Variants in UPB1 observed in about 807,000 individuals in gnomAD.
The protein encoded by UPB1 is beta-ureidopropionase 1.
UPB1 carries 40 observed loss-of-function variants against 49.1 expected under a neutral mutation model. The observed-to-expected ratio is 0.81, with a 90% CI of 0.63 to 1.06. UPB1 has a LOEUF of 1.06. Ranked by LOEUF, UPB1 falls within the 50% of genes least tolerant of loss-of-function variation. The pLI is 0.00. For synonymous variants in UPB1, 207 were observed against 198.2 expected (o/e 1.04, Z -0.38); for missense variants, 499 against 505.9 (o/e 0.99, Z 0.13).
chr22:24,516,274 C>G (rs779291433), intron 6 of UPB1, among the ~76,000 whole-genome samples: 4 of 152,102 alleles, frequency 2.6e-5, no homozygotes, highest in Non-Finnish European at 5.9e-5. Flanking sequence ...CTGCCCTTGT[C>G]AAGGCAGGGC....
At chr22:24,523,526 G>A (rs897257991) in intron 8 of UPB1, 93 bp from the exon 9 acceptor site, 16 of 1,576,058 alleles carry the variant, frequency 1.0e-5, no homozygotes, top group African/African-American at 8.1e-5. Flanking sequence ...CATGGACTCC[G>A]TGTCCTGGGC....
chr22:24,513,610 C>G (rs143143590), intron 5 of UPB1, 125 bp downstream of exon 5: 2 of 1,342,390 alleles, frequency 1.5e-6, no homozygotes, highest in Non-Finnish European at 2.1e-6. Flanking sequence ...GTACACTCCA[C>G]GGGAGCACAG....
Position 24,526,090 on chromosome 22 carries a change from A to T in UPB1, c.*296A>T. ...AATTTTACCTCAACTAAAAAAAAAAATGCCCAGGTACTGCTTGTGCAGGTG... is the reference window on the plus strand; with the variant it reads ...AATTTTACCTCAACTAAAAAAAAAATTGCCCAGGTACTGCTTGTGCAGGTG... On this transcript the variant is annotated 3_prime_UTR_variant, in exon 10 of 10. Transcript: ENST00000326010. 1 of 406,278 alleles carries T rather than the reference A, an allele frequency of 2.5e-6. No individual in the cohort carries two copies. The highest frequency in any genetic ancestry group is 4.7e-6 in the Non-Finnish European group (1 of 214,784). The allele number at this position is 406,278 out of a possible 1,614,324, so 25.2% of individuals were successfully genotyped here.
At chr22:24,524,044 C>A (rs1383966931) in intron 9 of UPB1, among the ~76,000 whole-genome samples, 3 of 152,266 alleles carry the variant, frequency 2.0e-5, no homozygotes, top group Admixed American at 6.5e-5. Flanking sequence ...ATCTCAATTT[C>A]ATTTGTCCAG....
chr22:24,498,463 A>G (rs1212230852), intron 1 of UPB1, among the ~76,000 whole-genome samples: 1 of 152,208 alleles, frequency 6.6e-6, no homozygotes, highest in African/African-American at 2.4e-5. Flanking sequence ...GAGGCCTTAC[A>G]GGTACTGCCC....
chr22:24,509,398 C>CAAAAAAAAAAAAAAAAAAAAA (rs1464985011), intron 3 of UPB1, among the ~76,000 whole-genome samples: 1 of 90,332 alleles, frequency 1.1e-5, no homozygotes, highest in Non-Finnish European at 2.2e-5. Flanking sequence ...AAAAAAAAAG[C>CAAAAAAAAAAAAAAAAAAAAA]AAAAACCAAT....
rs2043966020 is a variant in UPB1, at chr22:24,500,172, A to G, written c.170A>G (p.Tyr57Cys). ...ASREDFELQG[Y>C]AFEAAEEQLR... ...AGAGAAGACTTTGAACTGCAGGGAT[A>G]TGCCTTTGAAGCAGCGGAGGAGCAG... is the stretch of plus-strand genomic sequence containing the variant. Residue 57 changes from tyrosine (Y) to cysteine (C), a missense_variant, in exon 2 of 10, where the codon TAT becomes TGT. By Grantham distance (194) the Tyr-to-Cys change is radical (BLOSUM62 -2). Transcript: ENST00000326010. The G allele has an allele frequency of 1.2e-6, 2 of 1,614,220 alleles. No homozygotes were observed. Among genetic ancestry groups the G allele is most frequent in the Non-Finnish European group, 1.7e-6 (2 of 1,180,030 alleles).
chr22:24,525,928 G>T lies in UPB1; in HGVS notation c.*134G>T. 8.8e-7 allele frequency: 1 copy of T among 1,130,092 alleles called. No homozygotes were observed. Among genetic ancestry groups the T allele is most frequent in the Admixed American group, 1.9e-5 (1 of 53,196 alleles). 70.0% of individuals were successfully genotyped at this position (1,130,092 alleles called of 1,614,324 possible). ...TGGTTTTAAAATTCCCAGGCAGGGG[G>T]AGAGTGGCATGGGGAGTGACTTCTT... On this transcript the variant is annotated 3_prime_UTR_variant, in exon 10 of 10. Coordinates refer to ENST00000326010, the MANE Select transcript of UPB1 (RefSeq NM_016327.3).
intron 1 of UPB1, among the ~76,000 whole-genome samples, chr22:24,496,909 A>T (rs952516889): frequency 6.6e-6 from 1 of 152,122 alleles, no homozygotes; most frequent in Non-Finnish European, 1.5e-5. Flanking sequence ...AGTTCCTGAG[A>T]TGGGGCCAGG....
intron 2 of UPB1, among the ~76,000 whole-genome samples, chr22:24,501,866 C>A (rs1297466981): frequency 6.6e-6 from 1 of 152,144 alleles, no homozygotes; most frequent in Admixed American, 6.5e-5. Context: ...CTCAGCAACC[C>A]CACAGGTCAG....
chr22:24,507,345 A>C lies in UPB1; in HGVS notation c.365-3404A>C, dbSNP rs78728006. Among the ~76,000 whole-genome samples the C allele has an allele frequency of 1.2e-4, 19 of 152,254 alleles. No individual in the cohort carries two copies. In the East Asian group the frequency reaches 3.5e-3, roughly 28 times the overall value. ...CAAGGCCCCCAGGACTGTTGCTGGC[A>C]GTGCCTGCCGCCTGCTTGGCAAGAT... On this transcript the variant is annotated intron_variant, in intron 3 of 9. Coordinates refer to ENST00000326010, the MANE Select transcript of UPB1 (RefSeq NM_016327.3).
chr22:24,498,919 G>A (rs994355719), intron 1 of UPB1, among the ~76,000 whole-genome samples: 20 of 152,308 alleles, frequency 1.3e-4, no homozygotes, highest in African/African-American at 4.1e-4. Flanking sequence ...GGAAAGCTGC[G>A]TGATTTATGT....
At chr22:24,520,718 C>T (rs1026905760) in intron 7 of UPB1, among the ~76,000 whole-genome samples, 1 of 152,166 alleles carries the variant, frequency 6.6e-6, no homozygotes, top group Non-Finnish European at 1.5e-5. Context: ...AGTTTATTTT[C>T]CCCATTGACC....
chr22:24,513,336 C>A lies in UPB1; in HGVS notation c.472C>A (p.His158Asn), dbSNP rs2147026012. 2 of 1,614,126 alleles carry A rather than the reference C, an allele frequency of 1.2e-6. No homozygotes were observed. Among genetic ancestry groups the A allele is most frequent in the East Asian group, 2.2e-5 (1 of 44,884 alleles). The change falls in exon 5 of 10, where the codon CAT becomes AAT. Residue 158 changes from histidine (H) to asparagine (N), a missense_variant. His to Asn is a moderately conservative substitution (Grantham distance 68, BLOSUM62 1). Coordinates refer to ENST00000326010, the MANE Select transcript of UPB1 (RefSeq NM_016327.3). The stretch of plus-strand genomic sequence containing the variant: ...ATCATTTTTCCAGCTGGCGAAGAAC[C>A]ATGACATGGTGGTGGTGTCTCCCAT... ...TRFCQKLAKN[H>N]DMVVVSPILE...
chr22:24,502,183 G>A lies in UPB1; in HGVS notation c.334G>A (p.Val112Ile), dbSNP rs1448105188. The A allele has an allele frequency of 2.5e-6, 4 of 1,614,228 alleles. No individual in the cohort carries two copies. The highest frequency in any genetic ancestry group is 3.3e-5 in the Admixed American group (2 of 60,034). The change falls in exon 3 of 10, where the codon GTC becomes ATC. Residue 112 changes from valine (V) to isoleucine (I), a missense_variant. By Grantham distance (29) the Val-to-Ile change is conservative. Coordinates refer to ENST00000326010, the MANE Select transcript of UPB1 (RefSeq NM_016327.3). ...CGTAGAGGTGGCTGCAATGTGTGGA[G>A]TCAACATCATCTGTTTCCAGGAAGC... Reference protein sequence around the residue: ...AIVEVAAMCGVNIICFQEAWT... With the variant: ...AIVEVAAMCGINIICFQEAWT...
chr22:24,525,130 T>G (rs1469030109), intron 9 of UPB1, among the ~76,000 whole-genome samples: 2 of 152,214 alleles, frequency 1.3e-5, no homozygotes, highest in African/African-American at 4.8e-5. Context: ...TAGACACTTC[T>G]TAGAAGCAGA....
chr22:24,510,106 CCT>C (rs2044170920), intron 3 of UPB1, among the ~76,000 whole-genome samples: 1 of 151,964 alleles, frequency 6.6e-6, no homozygotes, highest in African/African-American at 2.4e-5. Flanking sequence ...GTGGCGCATA[CCT>C]GTAATCCCAT....
intron 5 of UPB1, among the ~76,000 whole-genome samples, chr22:24,514,433 G>T (rs1160966487): frequency 1.3e-5 from 2 of 152,146 alleles, no homozygotes; most frequent in Non-Finnish European, 2.9e-5. Context: ...TGTTCACCAC[G>T]TGCACACATC....
chr22:24,517,506 G>A (rs910219732), intron 6 of UPB1, among the ~76,000 whole-genome samples: 3 of 152,196 alleles, frequency 2.0e-5, no homozygotes, highest in African/African-American at 7.2e-5. Context: ...CTGGCTTCTG[G>A]GCCAGGGCAG....
Sources: gnomAD v4.1 joint callset for allele counts (sites outside exome capture counted in the v4.1 genomes callset) on GRCh38, gnomAD v4.1.1 for gene constraint, MANE v1.5 for transcripts, NCBI Gene and HGNC (gene_info 2026-07-23, HGNC 2026-07-21) for gene names.